SPAG17: variants seen among roughly 807,000 people sequenced by gnomAD.
The protein encoded by SPAG17 is sperm associated antigen 17, also known as sperm-associated antigen 17.
A neutral mutation model predicts 273.6 loss-of-function variants in SPAG17; 169 were observed. The ratio of observed to expected loss-of-function variants is 0.62; its 90% CI spans 0.55 to 0.70. The LOEUF is 0.70. SPAG17 is among the 30% of genes least tolerant of loss of function. The probability of loss-of-function intolerance (pLI) is 0.00; values close to 1 mark genes in which losing one functional copy is unlikely to be tolerated. For missense variants in SPAG17, 2,557 were observed against 2,627.8 expected, an observed-to-expected ratio of 0.97 and a Z score of 0.59; for synonymous variants, 825 against 873.2, an observed-to-expected ratio of 0.94 and a Z score of 0.97.
At position 118,040,799 on chromosome 1, in the gene SPAG17, C is replaced by A. The variant is rs1649659697; in HGVS notation, c.3097G>T (p.Gly1033Trp). The change falls in exon 22 of 49, where the codon GGG (glycine) becomes TGG (tryptophan). Residue 1033 changes from glycine to tryptophan, a missense_variant. Transcript: ENST00000336338. ...NMGNIPTQIS[G>W]SNYYLYPSDG... ...GAAGGATACAGGTAGTAATTTGACC[C>A]TGAGATTTGAGTGGGTATATTTCCC... 5 of 1,603,258 alleles carry A rather than the reference C, an allele frequency of 3.1e-6. No homozygotes were observed. The highest frequency in any genetic ancestry group is 4.3e-6 in the Non-Finnish European group (5 of 1,170,076).
Position 118,162,407 on chromosome 1 carries a change from G to T in SPAG17, c.88-11038C>A, listed in dbSNP as rs115373257. On this transcript the variant is annotated intron_variant, in intron 1 of 48. Coordinates refer to ENST00000336338, the MANE Select transcript of SPAG17 (RefSeq NM_206996.4). ...ATAATAATAATACTTAGAGCAGAAAGTCCTTCATTCATTCAGCTAATATTT... is the reference window on the plus strand; with the variant it reads ...ATAATAATAATACTTAGAGCAGAAATTCCTTCATTCATTCAGCTAATATTT... Among the ~76,000 whole-genome samples the T allele has an allele frequency of 9.5e-3, 1,449 of 152,214 alleles. 20 individuals carry two copies. The highest frequency in any genetic ancestry group is 0.034 in the African/African-American group (1,392 of 41,530).
intron 18 of SPAG17, among the ~76,000 whole-genome samples, chr1:118,062,366 C>CAAA (rs56029752): frequency 6.5e-5 from 3 of 46,400 alleles, no homozygotes; most frequent in African/African-American, 2.2e-4. Context: ...GACTCCATCT[C>CAAA]AAAAAAAAAA....
intron 17 of SPAG17, among the ~76,000 whole-genome samples, chr1:118,071,373 A>T (rs970623022): frequency 1.3e-5 from 2 of 152,186 alleles, no homozygotes; most frequent in African/African-American, 4.8e-5. Context: ...TTATATCAGA[A>T]ATGCAGTGGC....
intron 18 of SPAG17, among the ~76,000 whole-genome samples, chr1:118,062,440 A>G (rs937481402): frequency 6.6e-6 from 1 of 151,628 alleles, no homozygotes; most frequent in Non-Finnish European, 1.5e-5. Flanking sequence ...TATATCTCAT[A>G]AAATCTATAT....
intron 17 of SPAG17, among the ~76,000 whole-genome samples, chr1:118,073,310 G>A (rs906933769): frequency 3.3e-5 from 5 of 152,148 alleles, no homozygotes; most frequent in Admixed American, 1.3e-4. Context: ...ACTGGTCAAG[G>A]TGCCTCAGTT....
intron 18 of SPAG17, among the ~76,000 whole-genome samples, chr1:118,061,852 C>T (rs1652331237): frequency 6.6e-6 from 1 of 152,044 alleles, no homozygotes; most frequent in South Asian, 2.1e-4. Flanking sequence ...TAGCATATAA[C>T]TGTCACTAGT....
chr1:118,026,185 T>A (rs1647729806), intron 26 of SPAG17, among the ~76,000 whole-genome samples: 1 of 152,138 alleles, frequency 6.6e-6, no homozygotes, highest in South Asian at 2.1e-4. Flanking sequence ...AAAGTTAACG[T>A]TAAAATAATC....
intron 32 of SPAG17, among the ~76,000 whole-genome samples, chr1:117,997,971 A>G (rs1657844591): frequency 6.6e-6 from 1 of 152,136 alleles, no homozygotes. Context: ...AAAGAAGCAA[A>G]TATTTTCTCC....
chr1:118,151,360 G>A lies in SPAG17; in HGVS notation c.97C>T (p.Gln33Ter). ...IAAQFNQNDW[Q>*]ASIAFVVGNQ... is the part of the protein sequence containing the mutation. ...CCAACCACAAAAGCAATGGAGGCCT[G>A]CCAATCGTTCTATTAAAAATCAGAC... Residue 33 changes from glutamine to a stop codon, truncating the protein, a stop_gained, in exon 2 of 49, where the codon CAG (glutamine) becomes TAG (stop). Transcript: ENST00000336338. LOFTEE classifies it high-confidence loss of function. 6.2e-7 allele frequency: 1 copy of A among 1,611,670 alleles called. No individual in the cohort carries two copies. The highest frequency in any genetic ancestry group is 1.7e-5 in the Admixed American group (1 of 59,800).
At chr1:118,068,776 TAA>T (rs1653250120) in intron 17 of SPAG17, among the ~76,000 whole-genome samples, 1 of 152,150 alleles carries the variant, frequency 6.6e-6, no homozygotes, top group Non-Finnish European at 1.5e-5. Context: ...TAAAATATGA[TAA>T]AGATTTTTTT....
intron 24 of SPAG17, among the ~76,000 whole-genome samples, chr1:118,033,561 C>T (rs947718088): frequency 2.6e-5 from 4 of 152,152 alleles, no homozygotes; most frequent in African/African-American, 9.7e-5. Context: ...CCAATACCAC[C>T]ACTTCAGTGT....
intron 3 of SPAG17, among the ~76,000 whole-genome samples, chr1:118,145,710 C>T (rs983134748): frequency 1.3e-5 from 2 of 151,058 alleles, no homozygotes; most frequent in South Asian, 4.2e-4. Context: ...TTTTTACTGA[C>T]AGGAGTAAAA....
At chr1:118,071,003 C>T (rs1653522090) in intron 17 of SPAG17, among the ~76,000 whole-genome samples, 1 of 151,894 alleles carries the variant, frequency 6.6e-6, no homozygotes, top group African/African-American at 2.4e-5. Flanking sequence ...TTATGTCTTT[C>T]AGACAGAAAA....
intron 18 of SPAG17, among the ~76,000 whole-genome samples, chr1:118,057,317 C>T (rs1651809100): frequency 6.6e-6 from 1 of 152,154 alleles, no homozygotes; most frequent in Admixed American, 6.5e-5. Flanking sequence ...AGGATTTCTG[C>T]AATAGCCTCC....
intron 1 of SPAG17, among the ~76,000 whole-genome samples, chr1:118,161,681 G>A (rs1659926500): frequency 2.0e-5 from 3 of 152,236 alleles, no homozygotes; most frequent in Admixed American, 2.0e-4. Context: ...GGGACTACAG[G>A]CGCCCGCCCC....
intron 13 of SPAG17, 40 bp from the exon 14 acceptor site, chr1:118,081,682 A>T: frequency 2.6e-6 from 4 of 1,537,182 alleles, no homozygotes; most frequent in Non-Finnish European, 3.6e-6. Flanking sequence ...AAATGTTCTT[A>T]TTAGCACATG....
rs2102145967 is a variant in SPAG17 at position 118,081,405 on chromosome 1, T to C, written c.1990+10A>G. ...ACAAGAATGCTTTCCATTCCCTCCA[T>C]GCAGTGTACCTGCTTTCTGCTTGGC... is the stretch of plus-strand genomic sequence containing the variant. On this transcript the variant is annotated intron_variant, in intron 14 of 48. Transcript: ENST00000336338. 1.2e-6 allele frequency: 2 copies of C among 1,613,046 alleles called. No homozygotes were observed. The highest frequency in any genetic ancestry group is 1.7e-6 in the Non-Finnish European group (2 of 1,179,246).
chr1:117,972,089 G>T, intron 44 of SPAG17, 42 bp from the exon 45 acceptor site: 1 of 1,502,500 alleles, frequency 6.7e-7, no homozygotes, highest in Non-Finnish European at 9.0e-7. Flanking sequence ...TCTATTTTGA[G>T]TTCCCAAGAT....
chr1:118,031,817 T>C lies in SPAG17; in HGVS notation c.3484A>G (p.Thr1162Ala). The stretch of plus-strand genomic sequence containing the variant: ...ACTATAACAGGAACCACTGTTGGAG[T>C]GAGTGCTGAAGGGATATTCAATATT... ...ETILNIPSAL[T>A]PTVVPVIVTV... The change falls in exon 25 of 49, where the codon ACT (threonine) becomes GCT (alanine). Residue 1162 changes from threonine (T) to alanine (A), a missense_variant. Thr to Ala is a moderately conservative substitution (Grantham distance 58, BLOSUM62 0). Transcript: ENST00000336338. 2 of 1,613,322 alleles carry C rather than the reference T, an allele frequency of 1.2e-6. No homozygotes were observed. Among genetic ancestry groups the C allele is most frequent in the Non-Finnish European group, 1.7e-6 (2 of 1,179,600 alleles).
Sources: gnomAD v4.1 joint callset for allele counts (sites outside exome capture counted in the v4.1 genomes callset) on GRCh38, gnomAD v4.1.1 for gene constraint, MANE v1.5 for transcripts, NCBI Gene and HGNC (gene_info 2026-07-23, HGNC 2026-07-21) for gene names.